ARHGAP24: variants seen among roughly 807,000 people sequenced by gnomAD.
ARHGAP24 encodes Rho GTPase activating protein 24, also known as rho GTPase-activating protein 24.
Under a neutral mutation model 76.4 loss-of-function variants are expected in ARHGAP24, and 50 were observed. That is an observed-to-expected ratio of 0.65 (90% CI 0.52 to 0.83). The LOEUF is 0.83. ARHGAP24 is among the 40% of genes least tolerant of loss of function. ARHGAP24 has a pLI of 0.00. For synonymous variants in ARHGAP24, 345 were observed against 323.3 expected, an observed-to-expected ratio of 1.07 and a Z score of -0.72; for missense variants, 930 against 914.2, an observed-to-expected ratio of 1.02 and a Z score of -0.22.
intron 3 of ARHGAP24, among the ~76,000 whole-genome samples, chr4:85,854,149 A>AG (rs1731419287): frequency 6.6e-6 from 1 of 151,398 alleles, no homozygotes. Flanking sequence ...AAAAAAAAAA[A>AG]AAAAAAGAAA....
At chr4:85,558,039 C>T (rs376415207) in intron 1 of ARHGAP24, among the ~76,000 whole-genome samples, 118 of 152,240 alleles carry the variant, frequency 7.8e-4, no homozygotes, top group African/African-American at 2.5e-3. Flanking sequence ...AAGATGAATG[C>T]CGCCAACCTC....
chr4:85,608,638 A>G (rs894848574), intron 2 of ARHGAP24, among the ~76,000 whole-genome samples: 1 of 136,294 alleles, frequency 7.3e-6, no homozygotes, highest in African/African-American at 2.8e-5. Context: ...GCTCACTGCA[A>G]CCTCCACCTT....
intron 3 of ARHGAP24, among the ~76,000 whole-genome samples, chr4:85,836,307 T>C (rs1374959089): frequency 1.3e-5 from 2 of 152,178 alleles, no homozygotes; most frequent in African/African-American, 2.4e-5. Context: ...GTTTCACAAA[T>C]GGGTGGTTTA....
chr4:85,485,526 GA>G (rs1213226196), intron 1 of ARHGAP24, among the ~76,000 whole-genome samples: 2 of 150,288 alleles, frequency 1.3e-5, no homozygotes, highest in African/African-American at 4.9e-5. Context: ...GGAGAAAAGT[GA>G]AAAGGACATT....
intron 3 of ARHGAP24, among the ~76,000 whole-genome samples, chr4:85,761,131 G>C (rs919071601): frequency 7.9e-5 from 12 of 152,252 alleles, no homozygotes; most frequent in Admixed American, 7.9e-4. Flanking sequence ...TTTTGTGGTG[G>C]TGCATCAGCC....
chr4:85,759,019 T>C (rs75733954), intron 3 of ARHGAP24, among the ~76,000 whole-genome samples: 21,717 of 152,148 alleles, frequency 0.14, 2,011 homozygotes, highest in East Asian at 0.37. Flanking sequence ...TAACTCAGCT[T>C]ACAATTAACA....
At chr4:85,636,159 A>T (rs573884800) in intron 2 of ARHGAP24, among the ~76,000 whole-genome samples, 2 of 151,650 alleles carry the variant, frequency 1.3e-5, no homozygotes, top group Admixed American at 6.6e-5. Context: ...TTCCTTCTTT[A>T]GACTCCATCG....
rs1335931754 is a variant in ARHGAP24 at position 86,001,986 on chromosome 4, A to G, written c.*1264A>G. On this transcript the variant is annotated 3_prime_UTR_variant, in exon 10 of 10. Transcript: ENST00000395184. ...GCCTAAAGTTCCAATTTTAGCAAAT[A>G]TGGGAACCTCAGCAATGCTAATTTT... 2 of 152,258 alleles carry G rather than the reference A, an allele frequency of 1.3e-5. No individual in the cohort carries two copies. The highest frequency in any genetic ancestry group is 4.8e-5 in the African/African-American group (2 of 41,470). 9.4% of individuals were successfully genotyped at this position (152,258 alleles called of 1,614,324 possible). A position where few individuals can be genotyped will look rare whatever the true frequency, so the allele number is the denominator to read the frequency against.
chr4:85,732,977 C>T (rs537758555), intron 3 of ARHGAP24, among the ~76,000 whole-genome samples: 6 of 149,834 alleles, frequency 4.0e-5, no homozygotes, highest in South Asian at 4.3e-4. Flanking sequence ...GAATTACAGG[C>T]GTGAGCCACC....
At chr4:85,827,461 CGTGTGT>C (rs56379272) in intron 3 of ARHGAP24, among the ~76,000 whole-genome samples, 9,145 of 108,576 alleles carry the variant, frequency 0.084, 475 homozygotes, top group African/African-American at 0.16. Flanking sequence ...GAAGTCTGCC[CGTGTGT>C]GTGTGTGTGT....
chr4:85,773,959 C>T (rs190280741), intron 3 of ARHGAP24, among the ~76,000 whole-genome samples: 3 of 152,216 alleles, frequency 2.0e-5, no homozygotes, highest in African/African-American at 7.2e-5. Flanking sequence ...AGGAAAAGAG[C>T]ACTTTTTGTT....
Position 85,994,824 on chromosome 4 carries a change from A to T in ARHGAP24, c.1170A>T (p.Gly390=), listed in dbSNP as rs376853582. ...CCCAGAGAAGCAGCATGAACAATGG[A>T]TCCCCCACAGCTCTATCAGGCAGCA... The part of the protein sequence containing the change: ...ESPQRSSMNN[G]SPTALSGSKT... The change falls in exon 9 of 10, where the codon GGA becomes GGT. Residue 390 remains glycine, a synonymous_variant. Coordinates refer to ENST00000395184, the MANE Select transcript of ARHGAP24 (RefSeq NM_001025616.3). The T allele has an allele frequency of 6.8e-6, 11 of 1,614,060 alleles. No individual in the cohort carries two copies. The Admixed American group carries it at 1.3e-4, about 20-fold the overall frequency.
chr4:85,848,001 T>C (rs984857518), intron 3 of ARHGAP24, among the ~76,000 whole-genome samples: 4 of 152,160 alleles, frequency 2.6e-5, no homozygotes, highest in South Asian at 4.1e-4. Context: ...ACACAGTTAA[T>C]AAATAGGAGA....
Position 85,569,744 on chromosome 4 carries a change from A to C in ARHGAP24, c.-20-778A>C, listed in dbSNP as rs139305405. Among the ~76,000 whole-genome samples the C allele has an allele frequency of 4.4e-3, 663 of 152,328 alleles. 5 individuals are homozygous for C. The highest frequency in any genetic ancestry group is 0.015 in the African/African-American group (630 of 41,580). ...CAGCTGTACGAATCCCTGACCAGCC[A>C]AAGAAATTGTTGAGGGAATAGTCTG... is the stretch of plus-strand genomic sequence containing the variant. On this transcript the variant is annotated intron_variant, in intron 1 of 9. Transcript: ENST00000395184.
intron 4 of ARHGAP24, among the ~76,000 whole-genome samples, chr4:85,931,514 G>C (rs72976253): frequency 6.6e-6 from 1 of 152,048 alleles, no homozygotes; most frequent in East Asian, 1.9e-4. Context: ...CGAATTATTC[G>C]TGCTGACCCA....
intron 3 of ARHGAP24, among the ~76,000 whole-genome samples, chr4:85,753,109 C>T (rs543136771): frequency 8.7e-4 from 133 of 152,204 alleles, no homozygotes; most frequent in African/African-American, 2.9e-3. Context: ...TCTTCTGACA[C>T]CTTCTTGTGA....
At chr4:85,896,775 G>A (rs1281024945) in intron 3 of ARHGAP24, among the ~76,000 whole-genome samples, 1 of 152,112 alleles carries the variant, frequency 6.6e-6, no homozygotes, top group Admixed American at 6.5e-5. Flanking sequence ...TCTGTTGAAT[G>A]TCCCATAAAT....
chr4:85,917,179 T>C (rs925532810), intron 3 of ARHGAP24, among the ~76,000 whole-genome samples: 9 of 152,164 alleles, frequency 5.9e-5, no homozygotes, highest in Admixed American at 5.9e-4. Flanking sequence ...TTTTTGTCCT[T>C]GCAATAGATT....
At chr4:85,708,775 C>T (rs1024454889) in intron 2 of ARHGAP24, among the ~76,000 whole-genome samples, 3 of 152,020 alleles carry the variant, frequency 2.0e-5, no homozygotes, top group African/African-American at 7.2e-5. Flanking sequence ...GAGCTCAAAT[C>T]GCCTAAGAAA....
Sources: gnomAD v4.1 joint callset for allele counts (sites outside exome capture counted in the v4.1 genomes callset) on GRCh38, gnomAD v4.1.1 for gene constraint, MANE v1.5 for transcripts, NCBI Gene and HGNC (gene_info 2026-07-23, HGNC 2026-07-21) for gene names.